RNF150: variants seen among roughly 807,000 people sequenced by gnomAD.
The protein encoded by RNF150 is ring finger protein 150.
RNF150 carries 24 observed loss-of-function variants against 39.3 expected under a neutral mutation model. The observed-to-expected ratio is 0.61, with a 90% CI of 0.44 to 0.86. The LOEUF is 0.86. Among genes scored for constraint, RNF150 ranks in the 40% least tolerant of loss-of-function variants. The probability of loss-of-function intolerance (pLI) is 0.00; values close to 1 mark genes in which losing one functional copy is unlikely to be tolerated. For synonymous variants in RNF150, 255 were observed against 227.3 expected (o/e 1.12, Z -1.10); for missense variants, 502 against 587.8 (o/e 0.85, Z 1.51).
intron 6 of RNF150, among the ~76,000 whole-genome samples, chr4:140,897,742 C>T (rs1207769202): frequency 2.0e-5 from 3 of 152,176 alleles, no homozygotes; most frequent in East Asian, 1.9e-4. Context: ...CTCTTCTATA[C>T]AGTAACATTT....
At chr4:141,001,101 T>A (rs544075982) in intron 1 of RNF150, among the ~76,000 whole-genome samples, 1 of 152,302 alleles carries the variant, frequency 6.6e-6, no homozygotes, top group South Asian at 2.1e-4. Context: ...AAGCCAGATA[T>A]TTCCCATATC....
At chr4:140,959,593 G>T (rs947333609) in intron 2 of RNF150, among the ~76,000 whole-genome samples, 1 of 152,092 alleles carries the variant, frequency 6.6e-6, no homozygotes, top group Non-Finnish European at 1.5e-5. Flanking sequence ...AAAAATGATA[G>T]GGCTACCAGG....
At chr4:140,969,826 A>G (rs1349702419) in intron 1 of RNF150, among the ~76,000 whole-genome samples, 1 of 130,152 alleles carries the variant, frequency 7.7e-6, no homozygotes, top group East Asian at 2.2e-4. Flanking sequence ...CAGTGGCATG[A>G]TCTCGGCTCA....
chr4:140,862,036 C>T lies in RNF150; in HGVS notation c.*6225G>A, dbSNP rs544419876. 6.6e-6 allele frequency: 1 copy of T among 152,196 alleles called. No individual in the cohort carries two copies. The highest frequency in any genetic ancestry group is 2.4e-5 in the African/African-American group (1 of 41,534). The allele number at this position is 152,196 out of a possible 1,614,324, so 9.4% of individuals were successfully genotyped here. A position where few individuals can be genotyped will look rare whatever the true frequency, so the allele number is the denominator to read the frequency against. Reference sequence around the variant, plus strand: ...AAATTCAACTAGTCAATGGAAGAAACATGTGTTCATTTGGATGGTGATCAG... The same window carrying T: ...AAATTCAACTAGTCAATGGAAGAAATATGTGTTCATTTGGATGGTGATCAG... On this transcript the variant is annotated 3_prime_UTR_variant, in exon 7 of 7. Coordinates refer to ENST00000515673, the MANE Select transcript of RNF150 (RefSeq NM_020724.2).
intron 1 of RNF150, among the ~76,000 whole-genome samples, chr4:141,114,684 C>T (rs1739492345): frequency 6.6e-6 from 1 of 152,106 alleles, no homozygotes; most frequent in Non-Finnish European, 1.5e-5. Context: ...CTGGCAGAGA[C>T]ACAACAAAAA....
chr4:141,057,842 A>C (rs1358910717), intron 1 of RNF150, among the ~76,000 whole-genome samples: 1 of 152,166 alleles, frequency 6.6e-6, no homozygotes. Flanking sequence ...CATGTGCAGA[A>C]GCCCTTGTGC....
rs1430265588 is a variant in RNF150 at position 140,967,487 on chromosome 4, A to G, written c.735+136T>C. On this transcript the variant is annotated intron_variant, in intron 2 of 6. Transcript: ENST00000515673. ...ATATTTGGATAATATCTGAAAAATG[A>G]TACAGCAAATGTTAACAGTGTTTAT... is the stretch of plus-strand genomic sequence containing the variant. 4.0e-5 allele frequency: 26 copies of G among 654,630 alleles called. No individual in the cohort carries two copies. The Admixed American group carries it at 7.4e-4, about 19-fold the overall frequency. 40.6% of individuals were successfully genotyped at this position (654,630 alleles called of 1,614,324 possible). A position where few individuals can be genotyped will look rare whatever the true frequency, so the allele number is the denominator to read the frequency against.
At chr4:140,946,895 A>T (rs1238266796) in intron 4 of RNF150, among the ~76,000 whole-genome samples, 1 of 152,186 alleles carries the variant, frequency 6.6e-6, no homozygotes, top group African/African-American at 2.4e-5. Context: ...GGACATTTAC[A>T]CAGATGCAAA....
At chr4:141,041,922 T>C (rs1350032981) in intron 1 of RNF150, among the ~76,000 whole-genome samples, 2 of 151,942 alleles carry the variant, frequency 1.3e-5, no homozygotes, top group African/African-American at 4.8e-5. Context: ...CTGGGAAAAA[T>C]ATATAATCTA....
chr4:140,957,621 T>C (rs1006635829), intron 2 of RNF150, among the ~76,000 whole-genome samples: 2 of 151,998 alleles, frequency 1.3e-5, no homozygotes, highest in African/African-American at 4.8e-5. Context: ...TGCGGCATTA[T>C]TCACAATAGC....
chr4:141,206,976 A>G (rs10011684), intron 1 of RNF150, among the ~76,000 whole-genome samples: 33,290 of 151,800 alleles, frequency 0.22, 3,890 homozygotes, highest in South Asian at 0.32. Flanking sequence ...GGCAGGAAGA[A>G]TGGAAGCAAG....
intron 1 of RNF150, among the ~76,000 whole-genome samples, chr4:141,093,570 G>A (rs1167472655): frequency 2.0e-5 from 3 of 152,142 alleles, no homozygotes; most frequent in Non-Finnish European, 4.4e-5. Context: ...TTACATGGAC[G>A]GGACTTAAGT....
intron 1 of RNF150, among the ~76,000 whole-genome samples, chr4:141,048,390 C>T (rs767941790): frequency 4.6e-5 from 7 of 152,098 alleles, no homozygotes; most frequent in Non-Finnish European, 8.8e-5. Context: ...GGAAACAAAG[C>T]CCACAAGAAG....
intron 1 of RNF150, among the ~76,000 whole-genome samples, chr4:141,019,080 A>ATATATATATATATATATG (rs1174014870): frequency 1.5e-5 from 2 of 136,834 alleles, no homozygotes; most frequent in Non-Finnish European, 3.1e-5. Flanking sequence ...ATATATATAT[A>ATATATATATATATATATG]TGGAACTTTA....
chr4:141,200,702 C>T (rs569543230), intron 1 of RNF150, among the ~76,000 whole-genome samples: 1 of 152,046 alleles, frequency 6.6e-6, no homozygotes, highest in Non-Finnish European at 1.5e-5. Flanking sequence ...ATTGCAGGCT[C>T]TTCTGCAAAA....
In RNF150 at chr4:140,866,861, T is replaced by C. The variant is rs562015748; in HGVS notation, c.*1400A>G. 2 of 152,304 alleles carry C rather than the reference T, an allele frequency of 1.3e-5. No individual in the cohort carries two copies. Among genetic ancestry groups the C allele is most frequent in the East Asian group, 1.9e-4 (1 of 5,194 alleles). 9.4% of individuals were successfully genotyped at this position (152,304 alleles called of 1,614,324 possible). A position where few individuals can be genotyped will look rare whatever the true frequency, so the allele number is the denominator to read the frequency against. On this transcript the variant is annotated 3_prime_UTR_variant, in exon 7 of 7. Coordinates refer to ENST00000515673, the MANE Select transcript of RNF150 (RefSeq NM_020724.2). ...TCTGTATCTGGATAGTCTGAATATA[T>C]TACAAAATTGCCCACTGAAAAAATA... is the stretch of plus-strand genomic sequence containing the variant.
chr4:141,123,097 T>C (rs189030935), intron 1 of RNF150, among the ~76,000 whole-genome samples: 217 of 152,352 alleles, frequency 1.4e-3, no homozygotes, highest in African/African-American at 4.9e-3. Context: ...CCCCACTTTA[T>C]GAGTCAAATG....
At chr4:140,881,345 G>T (rs1281888851) in intron 6 of RNF150, among the ~76,000 whole-genome samples, 2 of 151,900 alleles carry the variant, frequency 1.3e-5, no homozygotes, top group East Asian at 3.9e-4. Context: ...GTATTTTTTT[G>T]TAGAAATGAG....
intron 6 of RNF150, among the ~76,000 whole-genome samples, chr4:140,886,452 A>G (rs1729581254): frequency 6.6e-6 from 1 of 152,130 alleles, no homozygotes; most frequent in South Asian, 2.1e-4. Context: ...TGCTTTGCCC[A>G]TTTTTAAATT....
Sources: gnomAD v4.1 joint callset for allele counts (sites outside exome capture counted in the v4.1 genomes callset) on GRCh38, gnomAD v4.1.1 for gene constraint, MANE v1.5 for transcripts, NCBI Gene and HGNC (gene_info 2026-07-23, HGNC 2026-07-21) for gene names.